The following GPRASP3 variants were observed in gnomAD, a reference collection of about 807,000 sequenced individuals.
GPRASP3 encodes G protein-coupled receptor associated sorting protein 3.
chrX:102,749,350 A>G, the GPRASP3 span: 1 of 1,211,894 alleles, frequency 8.3e-7, no homozygotes, highest in Non-Finnish European at 1.1e-6. Context: ...AGAGGCCACT[A>G]TCAATTCCTG....
chrX:102,752,935 A>G, the GPRASP3 span: 2 of 120,577 alleles, frequency 1.7e-5, no homozygotes, highest in East Asian at 5.7e-4. Flanking sequence ...ACATCCGACT[A>G]ATTTTTTTTT....
the GPRASP3 span, chrX:102,749,820 A>G: frequency 5.8e-6 from 7 of 1,208,819 alleles, no homozygotes; most frequent in Admixed American, 4.4e-5. Context: ...GCTCATGCTC[A>G]CAGCCTATCC....
At chrX:102,750,130 C>T in the GPRASP3 span, 1 of 1,210,069 alleles carries the variant, frequency 8.3e-7, no homozygotes, top group East Asian at 3.0e-5. Context: ...TTTTCCTTCC[C>T]CTGAAATGAG....
chrX:102,734,942 C>T, the GPRASP3 span, among the ~76,000 whole-genome samples: 1 of 111,812 alleles, frequency 8.9e-6, no homozygotes, highest in East Asian at 2.8e-4. Context: ...ATATCTAAAA[C>T]ATTAATTAGG....
the GPRASP3 span, among the ~76,000 whole-genome samples, chrX:102,727,602 A>T: frequency 1.8e-5 from 2 of 112,463 alleles, no homozygotes; most frequent in African/African-American, 6.5e-5. Context: ...GTAAAGGGTT[A>T]TGGTAAGCAA....
chrX:102,741,161 C>T, the GPRASP3 span, among the ~76,000 whole-genome samples: 1 of 111,875 alleles, frequency 8.9e-6, no homozygotes, highest in South Asian at 3.8e-4. Context: ...GAGACCAAGG[C>T]AAGTTTCAGA....
At chrX:102,724,396 T>C in the GPRASP3 span, among the ~76,000 whole-genome samples, 1 of 111,847 alleles carries the variant, frequency 8.9e-6, no homozygotes, top group Non-Finnish European at 1.9e-5. Context: ...AACAGTGTAT[T>C]ATGGGTGAAA....
At chrX:102,731,629 A>T in the GPRASP3 span, among the ~76,000 whole-genome samples, 3 of 110,395 alleles carry the variant, frequency 2.7e-5, no homozygotes, top group Admixed American at 2.9e-4. Context: ...CAACTCAAAA[A>T]AAAAAGAAAA....
chrX:102,734,683 G>A, the GPRASP3 span, among the ~76,000 whole-genome samples: 1 of 111,458 alleles, frequency 9.0e-6, no homozygotes, highest in Non-Finnish European at 1.9e-5. Flanking sequence ...AAGTCCTAGG[G>A]CAGCCACAGT....
the GPRASP3 span, among the ~76,000 whole-genome samples, chrX:102,738,434 C>T: frequency 4.5e-5 from 5 of 111,078 alleles, no homozygotes; most frequent in Non-Finnish European, 9.5e-5. Context: ...CCCTGTCCAT[C>T]CCTGGGGTTC....
At chrX:102,745,136 C>T in the GPRASP3 span, among the ~76,000 whole-genome samples, 2 of 111,007 alleles carry the variant, frequency 1.8e-5, no homozygotes, top group South Asian at 3.9e-4. Flanking sequence ...CCTCTCCTCC[C>T]AGAACAGTGG....
At chrX:102,726,743 A>G in the GPRASP3 span, among the ~76,000 whole-genome samples, 10 of 112,703 alleles carry the variant, frequency 8.9e-5, no homozygotes, top group Admixed American at 9.4e-4. Flanking sequence ...AACCTTTGAT[A>G]TCTTTATAAT....
the GPRASP3 span, among the ~76,000 whole-genome samples, chrX:102,738,156 C>T: frequency 1.8e-5 from 2 of 112,019 alleles, no homozygotes; most frequent in East Asian, 5.6e-4. Flanking sequence ...AAAATTTTCC[C>T]AGTTTGGGGG....
At chrX:102,751,191 A>T in the GPRASP3 span, 1 of 124,174 alleles carries the variant, frequency 8.1e-6, no homozygotes, top group African/African-American at 3.2e-5. Flanking sequence ...AGAATCTCAG[A>T]CAAAATGTAT....
the GPRASP3 span, among the ~76,000 whole-genome samples, chrX:102,747,134 T>C: frequency 8.9e-6 from 1 of 112,148 alleles, no homozygotes; most frequent in East Asian, 2.8e-4. Flanking sequence ...CTCATTTTGG[T>C]GCAGAAATAG....
the GPRASP3 span, among the ~76,000 whole-genome samples, chrX:102,722,096 C>G: frequency 9.8e-5 from 11 of 111,757 alleles, no homozygotes; most frequent in East Asian, 3.1e-3. Flanking sequence ...TTAGTGCAGA[C>G]CTCTCTGGTT....
chrX:102,735,297 C>G, the GPRASP3 span, among the ~76,000 whole-genome samples: 2 of 112,001 alleles, frequency 1.8e-5, no homozygotes, highest in Admixed American at 1.9e-4. Flanking sequence ...AAGAGCAGAT[C>G]AGTGCTCCAA....
At chrX:102,739,996 G>A in the GPRASP3 span, among the ~76,000 whole-genome samples, 4 of 112,261 alleles carry the variant, frequency 3.6e-5, no homozygotes, top group Non-Finnish European at 7.5e-5. Flanking sequence ...TCTGGTGGGC[G>A]TGAAAAGCCA....
the GPRASP3 span, among the ~76,000 whole-genome samples, chrX:102,748,332 G>T: frequency 4.0e-4 from 45 of 111,837 alleles, no homozygotes; most frequent in Admixed American, 1.1e-3. Context: ...AATTGCACTA[G>T]ATCAGTGCAG....
Sources: gnomAD v4.1 joint callset for allele counts (sites outside exome capture counted in the v4.1 genomes callset) on GRCh38, gnomAD v4.1.1 for gene constraint, MANE v1.5 for transcripts, NCBI Gene and HGNC (gene_info 2026-07-23, HGNC 2026-07-21) for gene names.